KIAA1217: variants seen among roughly 807,000 people sequenced by gnomAD.
KIAA1217 encodes the protein KIAA1217.
In KIAA1217, 88 loss-of-function variants were observed where a neutral mutation model predicts 163.9. That is an observed-to-expected ratio of 0.54 (90% CI 0.45 to 0.64). The LOEUF (loss-of-function observed/expected upper bound fraction) is 0.64, where lower values mean the gene tolerates loss of function less well. Among genes scored for constraint, KIAA1217 ranks in the 30% least tolerant of loss-of-function variants. KIAA1217 has a pLI of 0.00. For missense variants in KIAA1217, 2,372 were observed against 2,475.0 expected (o/e 0.96, Z 0.88); for synonymous variants, 903 against 923.1 (o/e 0.98, Z 0.39).
At chr10:24,320,338 T>G (rs1425022936) in intron 2 of KIAA1217, among the ~76,000 whole-genome samples, 1 of 152,248 alleles carries the variant, frequency 6.6e-6, no homozygotes, top group Non-Finnish European at 1.5e-5. Context: ...ATATAACTTG[T>G]GTGCCTGATG....
At chr10:24,456,253 T>A (rs1218653258) in intron 5 of KIAA1217, among the ~76,000 whole-genome samples, 1 of 152,222 alleles carries the variant, frequency 6.6e-6, no homozygotes, top group Non-Finnish European at 1.5e-5. Context: ...ATTGGCTGCA[T>A]CCAGAGTCCT....
intron 2 of KIAA1217, among the ~76,000 whole-genome samples, chr10:24,183,060 A>G (rs901237230): frequency 6.6e-6 from 1 of 152,204 alleles, no homozygotes; most frequent in African/African-American, 2.4e-5. Flanking sequence ...AAGGGACTGA[A>G]TTAGTGCCCA....
At chr10:24,125,656 C>A (rs2063448038) in intron 2 of KIAA1217, among the ~76,000 whole-genome samples, 1 of 152,058 alleles carries the variant, frequency 6.6e-6, no homozygotes. Context: ...CATAGGACCC[C>A]AGCAGCTAAT....
intron 1 of KIAA1217, among the ~76,000 whole-genome samples, chr10:23,942,403 A>G: frequency 6.6e-6 from 1 of 152,250 alleles, no homozygotes; most frequent in South Asian, 2.1e-4. Flanking sequence ...CTATAACAAC[A>G]GAAATTGTAA....
chr10:23,750,255 C>T (rs1199596182), intron 1 of KIAA1217, among the ~76,000 whole-genome samples: 2 of 152,128 alleles, frequency 1.3e-5, no homozygotes, highest in Non-Finnish European at 2.9e-5. Context: ...CTGCATTGCC[C>T]TTAATAAAAG....
chr10:24,365,812 G>A lies in KIAA1217; in HGVS notation c.355-15057G>A, dbSNP rs80325269. Among the ~76,000 whole-genome samples the A allele has an allele frequency of 2.3e-3, 352 of 152,250 alleles. 1 individual carries two copies. The highest frequency in any genetic ancestry group is 4.1e-3 in the Non-Finnish European group (281 of 68,024). On this transcript the variant is annotated intron_variant, in intron 2 of 20. Coordinates refer to ENST00000376454, the MANE Select transcript of KIAA1217 (RefSeq NM_019590.5). ...TTTTGGCTTTCGAGTGTAGCCATCT[G>A]TGTTCAAGTGTTCTTTTTCTTCTAG...
chr10:24,230,280 G>C (rs2131065602), intron 2 of KIAA1217, among the ~76,000 whole-genome samples: 1 of 152,134 alleles, frequency 6.6e-6, no homozygotes, highest in African/African-American at 2.4e-5. Flanking sequence ...TTGGGGGGTG[G>C]ATTTTGAAAT....
chr10:24,236,277 G>A (rs545682417), intron 2 of KIAA1217, among the ~76,000 whole-genome samples: 9 of 151,178 alleles, frequency 6.0e-5, no homozygotes, highest in African/African-American at 2.2e-4. Context: ...TTTCGACGGC[G>A]TTTTGCTCTT....
intron 1 of KIAA1217, among the ~76,000 whole-genome samples, chr10:24,212,688 C>G (rs2068292559): frequency 6.6e-6 from 1 of 152,222 alleles, no homozygotes; most frequent in African/African-American, 2.4e-5. Flanking sequence ...AGCAACATCT[C>G]TGATGCTAAC....
chr10:24,395,241 A>G (rs1444896507), intron 3 of KIAA1217, among the ~76,000 whole-genome samples: 1 of 152,050 alleles, frequency 6.6e-6, no homozygotes, highest in Non-Finnish European at 1.5e-5. Flanking sequence ...TTTGATCCCT[A>G]CTTGATCTCT....
chr10:24,092,719 G>A (rs2131688820), intron 2 of KIAA1217, among the ~76,000 whole-genome samples: 1 of 151,872 alleles, frequency 6.6e-6, no homozygotes, highest in Non-Finnish European at 1.5e-5. Context: ...CTAGGAATGG[G>A]AAACAAATAG....
At chr10:24,190,643 G>A (rs532516637) in intron 2 of KIAA1217, among the ~76,000 whole-genome samples, 232 of 152,272 alleles carry the variant, frequency 1.5e-3, no homozygotes, top group African/African-American at 5.3e-3. Context: ...CTATCTAGGA[G>A]TTCCAGAATT....
chr10:23,834,069 T>C (rs1407108929), intron 1 of KIAA1217, among the ~76,000 whole-genome samples: 3 of 152,156 alleles, frequency 2.0e-5, no homozygotes, highest in Non-Finnish European at 2.9e-5. Context: ...TTCCTACTGT[T>C]GATGTTTTTG....
chr10:24,078,621 T>C (rs559320697), intron 2 of KIAA1217, among the ~76,000 whole-genome samples: 108 of 152,292 alleles, frequency 7.1e-4, no homozygotes, highest in African/African-American at 2.5e-3. Context: ...TCTTCTCTTA[T>C]ACAATGAAGG....
At chr10:24,322,698 T>C (rs2044331000) in intron 2 of KIAA1217, among the ~76,000 whole-genome samples, 1 of 152,176 alleles carries the variant, frequency 6.6e-6, no homozygotes, top group South Asian at 2.1e-4. Flanking sequence ...GTAGACGTCT[T>C]TCGTGCCTCT....
intron 2 of KIAA1217, among the ~76,000 whole-genome samples, chr10:24,235,091 A>G (rs2072042127): frequency 1.3e-5 from 2 of 152,084 alleles, no homozygotes. Context: ...TCTTTGGGGG[A>G]CCTCAGTCTT....
At chr10:23,966,532 C>G (rs918825969) in intron 1 of KIAA1217, among the ~76,000 whole-genome samples, 3 of 152,190 alleles carry the variant, frequency 2.0e-5, no homozygotes, top group Non-Finnish European at 2.9e-5. Flanking sequence ...AGCAGGTGCT[C>G]TTCCCCTGCC....
At chr10:24,071,921 T>A (rs1317612282) in intron 2 of KIAA1217, among the ~76,000 whole-genome samples, 1 of 152,210 alleles carries the variant, frequency 6.6e-6, no homozygotes, top group African/African-American at 2.4e-5. Flanking sequence ...TTCTTATTAT[T>A]TCACCATCTT....
intron 3 of KIAA1217, among the ~76,000 whole-genome samples, chr10:24,389,204 T>G (rs1298068012): frequency 6.6e-6 from 1 of 152,156 alleles, no homozygotes; most frequent in African/African-American, 2.4e-5. Context: ...ATATACACCA[T>G]GTAATACTAT....
Sources: gnomAD v4.1 joint callset for allele counts (sites outside exome capture counted in the v4.1 genomes callset) on GRCh38, gnomAD v4.1.1 for gene constraint, MANE v1.5 for transcripts, NCBI Gene and HGNC (gene_info 2026-07-23, HGNC 2026-07-21) for gene names.